GIPC2: variants seen among roughly 807,000 people sequenced by gnomAD.
GIPC2 encodes PDZ domain-containing protein GIPC2.
A neutral mutation model predicts 30.6 loss-of-function variants in GIPC2; 30 were observed. The observed-to-expected ratio is 0.98, with a 90% CI of 0.73 to 1.33. The LOEUF (loss-of-function observed/expected upper bound fraction) is 1.33, where lower values mean the gene tolerates loss of function less well. Among genes scored for constraint, GIPC2 ranks in the 40% most tolerant of loss-of-function variants. The pLI is 0.00. For synonymous variants in GIPC2, 167 were observed against 150.0 expected, an observed-to-expected ratio of 1.11 and a Z score of -0.83; for missense variants, 414 against 390.3, an observed-to-expected ratio of 1.06 and a Z score of -0.51.
chr1:78,049,054 C>G (rs1034697569), intron 1 of GIPC2, among the ~76,000 whole-genome samples: 19 of 152,220 alleles, frequency 1.2e-4, no homozygotes, highest in Non-Finnish European at 2.1e-4. Flanking sequence ...CACTCTGAAA[C>G]AGAAGTAACT....
intron 3 of GIPC2, among the ~76,000 whole-genome samples, chr1:78,097,919 T>C (rs1201625576): frequency 6.6e-6 from 1 of 152,216 alleles, no homozygotes; most frequent in Non-Finnish European, 1.5e-5. Flanking sequence ...AAGTAGGTCT[T>C]GTACCCATCT....
At chr1:78,053,865 CT>C in intron 1 of GIPC2, among the ~76,000 whole-genome samples, 1 of 151,232 alleles carries the variant, frequency 6.6e-6, no homozygotes, top group Non-Finnish European at 1.5e-5. Flanking sequence ...GAGTTTGAGG[CT>C]GCAGTGAGCT....
chr1:78,062,643 G>A (rs1436967190), intron 1 of GIPC2, among the ~76,000 whole-genome samples: 1 of 151,496 alleles, frequency 6.6e-6, no homozygotes, highest in East Asian at 1.9e-4. Context: ...AAGTAGCCGG[G>A]ACCACAGGCG....
At position 78,080,827 on chromosome 1, in the gene GIPC2, T is replaced by A. The variant is rs1661813572; in HGVS notation, c.393T>A (p.Ile131=). Residue 131 remains isoleucine, a synonymous_variant, in exon 2 of 6, where the codon ATT becomes ATA. Transcript: ENST00000370759. ...YKSEDSLGLT[I]TDNGVGYAFI... ...CTGAGGATTCACTTGGTCTCACCATTACAGATAATGGTGTTGGCTATGCTT... is the reference window on the plus strand; with the variant it reads ...CTGAGGATTCACTTGGTCTCACCATAACAGATAATGGTGTTGGCTATGCTT... 3.7e-6 allele frequency: 6 copies of A among 1,608,698 alleles called. No individual in the cohort carries two copies. The highest frequency in any genetic ancestry group is 5.1e-6 in the Non-Finnish European group (6 of 1,176,532).
intron 2 of GIPC2, chr1:78,092,115 A>G (rs1662053343): frequency 9.5e-7 from 1 of 1,057,156 alleles, no homozygotes; most frequent in Non-Finnish European, 1.5e-6. Flanking sequence ...TATATGGAAA[A>G]GTAGCAGGGT....
chr1:78,126,197 C>G (rs958156128), intron 5 of GIPC2, among the ~76,000 whole-genome samples: 2 of 152,170 alleles, frequency 1.3e-5, no homozygotes, highest in Non-Finnish European at 2.9e-5. Context: ...AGTCATTAAA[C>G]TGTGACTACT....
At position 78,119,412 on chromosome 1, in the gene GIPC2, G is replaced by A; in HGVS notation, c.627G>A (p.Lys209=). 1 of 1,607,972 alleles carries A rather than the reference G, an allele frequency of 6.2e-7. No individual in the cohort carries two copies. The highest frequency in any genetic ancestry group is 1.3e-5 in the African/African-American group (1 of 74,924). ...TTGTAGAAATAGAGCTGAGGTCAAAGGCTGGAAAGTCATCAGGAGAAAAAA... is the reference window on the plus strand; with the variant it reads ...TTGTAGAAATAGAGCTGAGGTCAAAAGCTGGAAAGTCATCAGGAGAAAAAA... ...KKAFEIELRS[K]AGKSSGEKIG... Residue 209 remains lysine (K), a synonymous_variant, in exon 4 of 6, where the codon AAG becomes AAA. Transcript: ENST00000370759.
intron 3 of GIPC2, among the ~76,000 whole-genome samples, chr1:78,110,181 A>G (rs539020502): frequency 7.4e-6 from 1 of 135,526 alleles, no homozygotes; most frequent in African/African-American, 2.6e-5. Flanking sequence ...AACTTAAAGT[A>G]AAAAAAAAAA....
At chr1:78,098,608 A>G (rs1258015413) in intron 3 of GIPC2, among the ~76,000 whole-genome samples, 2 of 152,200 alleles carry the variant, frequency 1.3e-5, no homozygotes, top group Non-Finnish European at 2.9e-5. Flanking sequence ...CTCATGGTCT[A>G]ACAGGAGGCT....
chr1:78,047,338 T>G (rs1661113753), intron 1 of GIPC2, among the ~76,000 whole-genome samples: 1 of 152,146 alleles, frequency 6.6e-6, no homozygotes, highest in Admixed American at 6.5e-5. Context: ...TTTAATTAGT[T>G]GTTTATCAGG....
chr1:78,122,581 G>C (rs1662702361), intron 4 of GIPC2, among the ~76,000 whole-genome samples: 1 of 152,274 alleles, frequency 6.6e-6, no homozygotes. Flanking sequence ...TTGAAACCAT[G>C]AGATCTTGTG....
At chr1:78,046,921 C>G (rs971419122) in intron 1 of GIPC2, among the ~76,000 whole-genome samples, 22 of 152,322 alleles carry the variant, frequency 1.4e-4, no homozygotes, top group African/African-American at 5.1e-4. Flanking sequence ...ACCAGAAACC[C>G]TTTGGTGGTA....
intron 1 of GIPC2, among the ~76,000 whole-genome samples, chr1:78,075,275 G>T (rs1661696675): frequency 6.6e-6 from 1 of 152,162 alleles, no homozygotes; most frequent in South Asian, 2.1e-4. Context: ...GGGCAACATG[G>T]TGAGACCATG....
At chr1:78,094,461 G>A (rs751355435) in intron 2 of GIPC2, among the ~76,000 whole-genome samples, 2 of 152,206 alleles carry the variant, frequency 1.3e-5, no homozygotes, top group Admixed American at 1.3e-4. Context: ...TGTGACATGA[G>A]AATCTCATAA....
intron 1 of GIPC2, among the ~76,000 whole-genome samples, chr1:78,067,981 T>C (rs1273783118): frequency 6.6e-6 from 1 of 152,238 alleles, no homozygotes; most frequent in African/African-American, 2.4e-5. Context: ...CCCGGACTCT[T>C]CTGATGAGGG....
At chr1:78,110,482 A>G (rs1662447046) in intron 3 of GIPC2, among the ~76,000 whole-genome samples, 1 of 152,252 alleles carries the variant, frequency 6.6e-6, no homozygotes, top group Non-Finnish European at 1.5e-5. Context: ...CCCTGTTTGT[A>G]GTCTTGTCCT....
At chr1:78,110,723 T>C (rs1662451624) in intron 3 of GIPC2, among the ~76,000 whole-genome samples, 1 of 152,232 alleles carries the variant, frequency 6.6e-6, no homozygotes, top group Non-Finnish European at 1.5e-5. Flanking sequence ...CTTTCCTCTC[T>C]CTACTCCTCC....
chr1:78,100,814 C>T (rs1175216858), intron 3 of GIPC2, among the ~76,000 whole-genome samples: 1 of 151,744 alleles, frequency 6.6e-6, no homozygotes, highest in Non-Finnish European at 1.5e-5. Context: ...CCTCTAGTCT[C>T]AGTTGCTCGG....
intron 2 of GIPC2, among the ~76,000 whole-genome samples, chr1:78,087,417 G>GA (rs1661950922): frequency 6.6e-6 from 1 of 152,100 alleles, no homozygotes. Flanking sequence ...CAATGGAACA[G>GA]AATAGAGAGC....
Sources: gnomAD v4.1 joint callset for allele counts (sites outside exome capture counted in the v4.1 genomes callset) on GRCh38, gnomAD v4.1.1 for gene constraint, MANE v1.5 for transcripts, NCBI Gene and HGNC (gene_info 2026-07-23, HGNC 2026-07-21) for gene names.